The following UNC13D variants were observed in gnomAD, a reference collection of about 807,000 sequenced individuals.
The protein encoded by UNC13D is protein unc-13 homolog D.
Under a neutral mutation model 151.7 loss-of-function variants are expected in UNC13D, and 115 were observed. That is an observed-to-expected ratio of 0.76 (90% CI 0.65 to 0.88). The LOEUF is 0.88. Ranked by LOEUF, UNC13D falls within the 40% of genes least tolerant of loss-of-function variation. The pLI, the probability that UNC13D is intolerant of heterozygous loss-of-function variation, is 0.00. For synonymous variants in UNC13D, 588 were observed against 612.2 expected, an observed-to-expected ratio of 0.96 and a Z score of 0.58; for missense variants, 1,369 against 1,438.7, an observed-to-expected ratio of 0.95 and a Z score of 0.78.
chr17:75,841,798 G>C (rs906019420), intron 6 of UNC13D, among the ~76,000 whole-genome samples: 1 of 148,816 alleles, frequency 6.7e-6, no homozygotes, highest in Non-Finnish European at 1.5e-5. Context: ...CACCAGGCTG[G>C]AGTGCAGTGG....
At chr17:75,829,945 C>T (rs2062149601) in intron 30 of UNC13D, 83 bp downstream of exon 30, 4 of 1,548,272 alleles carry the variant, frequency 2.6e-6, no homozygotes, top group Admixed American at 3.9e-5. Context: ...AGCCCCTTGG[C>T]CCCAGCCAGG....
intron 19 of UNC13D, 57 bp downstream of exon 19, chr17:75,835,590 G>A (rs933754539): frequency 4.6e-5 from 74 of 1,611,236 alleles, no homozygotes; most frequent in Non-Finnish European, 5.5e-5. Context: ...CTGGGGCCTC[G>A]TCCACCCTCC....
rs754791533 is a variant in UNC13D at position 75,830,116 on chromosome 17, G to A, written c.2866C>T (p.Pro956Ser). 5 of 1,587,378 alleles carry A rather than the reference G, an allele frequency of 3.1e-6. No homozygotes were observed. The highest frequency in any genetic ancestry group is 4.3e-6 in the Non-Finnish European group (5 of 1,167,120). Residue 956 changes from proline (P) to serine (S), a missense_variant, in exon 30 of 32, where the codon CCC becomes TCC. Transcript: ENST00000207549. ...SDPFVQLTLE[P>S]RHEFPELAAR... ...GCCAGCTCAGGGAACTCATGCCTGG[G>A]CTCCAAGGTCAGCTGGACAAAGGGG...
At chr17:75,843,375 C>A (rs927034250) in intron 2 of UNC13D, 109 bp from the exon 3 acceptor site, 3 of 1,566,116 alleles carry the variant, frequency 1.9e-6, no homozygotes, top group Admixed American at 3.7e-5. Context: ...AGTTGAGACC[C>A]AGGAGTCCCC....
intron 6 of UNC13D, chr17:75,841,225 A>C: frequency 2.0e-6 from 1 of 511,772 alleles, no homozygotes; most frequent in Non-Finnish European, 3.5e-6. Context: ...ACTCACTGCA[A>C]CCTCTGCCTC....
Position 75,831,546 on chromosome 17 carries a change from G to A in UNC13D, c.2448-198C>T, listed in dbSNP as rs1043646578. On this transcript the variant is annotated intron_variant, in intron 25 of 31. Coordinates refer to ENST00000207549, the MANE Select transcript of UNC13D (RefSeq NM_199242.3). ...GTACAGGACCAGCAAGGGGCAGGTG[G>A]GATCAGTCCTATCCAACACACCTCT... The A allele has an allele frequency of 1.5e-5, 9 of 605,318 alleles. No homozygotes were observed. The Admixed American group carries it at 2.3e-4, about 16-fold the overall frequency. The allele number at this position is 605,318 out of a possible 1,614,324, so 37.5% of individuals were successfully genotyped here.
chr17:75,830,737 A>C, intron 27 of UNC13D, 76 bp from the exon 28 acceptor site: 12 of 1,496,552 alleles, frequency 8.0e-6, no homozygotes, highest in Non-Finnish European at 1.0e-5. Flanking sequence ...CCAGGAGCTC[A>C]CTGTCAAGGG....
At chr17:75,838,312 G>C (rs534261899) in intron 12 of UNC13D, among the ~76,000 whole-genome samples, 2 of 151,434 alleles carry the variant, frequency 1.3e-5, no homozygotes, top group East Asian at 3.9e-4. Flanking sequence ...TCCACCTCCC[G>C]GGTTCAAGTG....
intron 17 of UNC13D, 47 bp from the exon 18 acceptor site, chr17:75,835,953 C>T: frequency 6.2e-7 from 1 of 1,614,116 alleles, no homozygotes; most frequent in South Asian, 1.1e-5. Flanking sequence ...CACCAGGGTC[C>T]CCATGGTTCC....
In UNC13D at chr17:75,831,365, G is replaced by C. The variant is rs778634885; in HGVS notation, c.2448-17C>G. 40 of 1,605,444 alleles carry C rather than the reference G, an allele frequency of 2.5e-5. No individual in the cohort carries two copies. Among genetic ancestry groups the C allele is most frequent in the Non-Finnish European group, 3.4e-5 (40 of 1,177,724 alleles). ...GTCAGGAGGCTGGGGCGGGGCCGGA[G>C]GGATGCGGACACAGCACGGCAGGGC... is the stretch of plus-strand genomic sequence containing the variant. On this transcript the variant is annotated splice_polypyrimidine_tract_variant and intron_variant, in intron 25 of 31. Coordinates refer to ENST00000207549, the MANE Select transcript of UNC13D (RefSeq NM_199242.3).
chr17:75,830,691 T>C, intron 27 of UNC13D, 30 bp from the exon 28 acceptor site: 1 of 1,553,388 alleles, frequency 6.4e-7, no homozygotes, highest in Admixed American at 1.9e-5. Context: ...AGGATCCACC[T>C]GGACTGCACG....
chr17:75,836,442 A>C lies in UNC13D; in HGVS notation c.1299-13T>G, dbSNP rs2064909577. 6.2e-7 allele frequency: 1 copy of C among 1,612,336 alleles called. No homozygotes were observed. The highest frequency in any genetic ancestry group is 1.3e-5 in the African/African-American group (1 of 74,924). On this transcript the variant is annotated splice_polypyrimidine_tract_variant and intron_variant, in intron 14 of 31. Coordinates refer to ENST00000207549, the MANE Select transcript of UNC13D (RefSeq NM_199242.3). ...CTGTACCAGGACCCTGCAAGATGGA[A>C]AGAGCTGTGTCGAAAGTGCCTGCTG...
At position 75,834,992 on chromosome 17, in the gene UNC13D, G is replaced by A. The variant is rs188933372; in HGVS notation, c.1920C>T (p.Ile640=). The change falls in exon 21 of 32, where the codon ATC becomes ATT. Residue 640 remains isoleucine, a synonymous_variant. Coordinates refer to ENST00000207549, the MANE Select transcript of UNC13D (RefSeq NM_199242.3). ...AGTCCAGCTGCCGGGCAGTGTGGCT[G>A]ATCTGGGCAAAGCAGGTGGATAGAT... ...AVDLSTCFAQ[I]SHTARQLDWP... The A allele has an allele frequency of 6.2e-7, 1 of 1,614,110 alleles. No homozygotes were observed. The highest frequency in any genetic ancestry group is 1.3e-5 in the African/African-American group (1 of 75,060).
Position 75,834,079 on chromosome 17 carries a change from T to C in UNC13D, c.2363A>G (p.Glu788Gly), listed in dbSNP as rs2064889766. Residue 788 changes from glutamate (E) to glycine (G), a missense_variant, in exon 24 of 32, where the codon GAG becomes GGG. Transcript: ENST00000207549. Reference sequence around the variant, plus strand: ...GCAGGCAGAAGGGCCACTTACATCCTCAGGCAGGACAGACTCCCTGACGCC... The same window carrying C: ...GCAGGCAGAAGGGCCACTTACATCCCCAGGCAGGACAGACTCCCTGACGCC... ...LVGVRESVLP[E>G]DAILPLMKFL... 3 of 1,613,606 alleles carry C rather than the reference T, an allele frequency of 1.9e-6. No individual in the cohort carries two copies. Among genetic ancestry groups the C allele is most frequent in the Non-Finnish European group, 1.7e-6 (2 of 1,180,022 alleles).
rs143231110 is a variant in UNC13D, at chr17:75,839,856, G to A, written c.1038C>T (p.Asp346=). Residue 346 remains aspartate, a synonymous_variant, in exon 12 of 32, where the codon GAC becomes GAT. Transcript: ENST00000207549. Reference sequence around the variant, plus strand: ...GTACTCACGCCATGGACTGGTGGAAGTCGGATAGGTCCTTCTGTGTGGCGT... The same window carrying A: ...GTACTCACGCCATGGACTGGTGGAAATCGGATAGGTCCTTCTGTGTGGCGT... ...FLHATQKDLS[D]FHQSMAQWLA... 2.4e-5 allele frequency: 39 copies of A among 1,613,928 alleles called. No individual in the cohort carries two copies. In the African/African-American group the frequency reaches 4.5e-4, roughly 19 times the overall value.
chr17:75,840,098 C>G lies in UNC13D; in HGVS notation c.871G>C (p.Ala291Pro). The change falls in exon 11 of 32, where the codon GCC becomes CCC. Residue 291 changes from alanine (A) to proline (P), a missense_variant. Around this residue, in one of 3 missense-constraint regions of UNC13D, gnomAD observed 550 missense variants for 609.0 expected, o/e 0.90. Coordinates refer to ENST00000207549, the MANE Select transcript of UNC13D (RefSeq NM_199242.3). This position sits in a 1 kb window ranked among gnomAD's most constrained non-coding sequence, Gnocchi z 4.6. ...GTGTAGCTCGGCTGCGAGCGGCTGG[C>G]CGAAGTGGCTCTCTGCAATGAGGCC... is the stretch of plus-strand genomic sequence containing the variant. ...QLIHKRRATS[A>P]SRSQPSYTVH... is the part of the protein sequence containing the mutation. 2 of 1,612,760 alleles carry G rather than the reference C, an allele frequency of 1.2e-6. No homozygotes were observed. Among genetic ancestry groups the G allele is most frequent in the Non-Finnish European group, 1.7e-6 (2 of 1,179,798 alleles).
rs561357822 is a variant in UNC13D, at chr17:75,843,629, C to T, written c.118-110G>A. The stretch of plus-strand genomic sequence containing the variant: ...CAGGCCAAGGGTATGGGGGCCCCAG[C>T]ACCCCGGCCTCCAGCCCCAGTGATG... On this transcript the variant is annotated intron_variant, in intron 1 of 31. Coordinates refer to ENST00000207549, the MANE Select transcript of UNC13D (RefSeq NM_199242.3). 6 of 1,534,900 alleles carry T rather than the reference C, an allele frequency of 3.9e-6. No individual in the cohort carries two copies. In the African/African-American group the frequency reaches 8.2e-5, roughly 21 times the overall value.
chr17:75,840,036 G>A lies in UNC13D; in HGVS notation c.933C>T (p.His311=), dbSNP rs149650660. Residue 311 remains histidine (H), a synonymous_variant, in exon 11 of 32, where the codon CAC becomes CAT. Coordinates refer to ENST00000207549, the MANE Select transcript of UNC13D (RefSeq NM_199242.3). This position sits in a 1 kb window ranked among gnomAD's most constrained non-coding sequence, Gnocchi z 4.6. ...GCAATACCTCGTGCTGGGTGACCTC[G>A]TGGGACACAAGCTGCTGCAGGAGGT... is the stretch of plus-strand genomic sequence containing the variant. ...HLHLLQQLVS[H]EVTQHEAGST... The A allele has an allele frequency of 3.7e-5, 59 of 1,613,476 alleles. No homozygotes were observed. Among genetic ancestry groups the A allele is most frequent in the Middle Eastern group, 1.7e-4 (1 of 6,050 alleles).
In UNC13D at chr17:75,827,397, G is replaced by A. The variant is rs566417406; in HGVS notation, c.*568C>T. On this transcript the variant is annotated 3_prime_UTR_variant, in exon 32 of 32. Coordinates refer to ENST00000207549, the MANE Select transcript of UNC13D (RefSeq NM_199242.3). ...GCCTGCCAGCTCTTGCTCCCTCAGA[G>A]CCAGAAGGTTCTTGGCTCCAGGCTT... 4.4e-5 allele frequency: 61 copies of A among 1,387,622 alleles called. No homozygotes were observed. In the South Asian group the frequency reaches 8.1e-4, roughly 19 times the overall value. 86.0% of individuals were successfully genotyped at this position (1,387,622 alleles called of 1,614,324 possible).
Sources: allele counts gnomAD v4.1 joint callset (sites outside exome capture counted in the v4.1 genomes callset), GRCh38; gene constraint gnomAD v4.1.1; regional missense constraint gnomAD v4.1.1; non-coding constraint Gnocchi (gnomAD v3.1); transcripts MANE v1.5; gene names NCBI Gene and HGNC (gene_info 2026-07-23, HGNC 2026-07-21).